Variants in NCKAP5 observed in about 807,000 individuals in gnomAD.
NCKAP5 encodes the protein NCK associated protein 5, also known as nck-associated protein 5.
A neutral mutation model predicts 167.0 loss-of-function variants in NCKAP5; 92 were observed. The ratio of observed to expected loss-of-function variants is 0.55; its 90% CI spans 0.47 to 0.66. NCKAP5 has a LOEUF of 0.66. Ranked by LOEUF, NCKAP5 falls within the 30% of genes least tolerant of loss-of-function variation. The pLI, the probability that NCKAP5 is intolerant of heterozygous loss-of-function variation, is 0.00. For synonymous variants in NCKAP5, 891 were observed against 877.4 expected (o/e 1.02, Z -0.27); for missense variants, 2,378 against 2,315.0 (o/e 1.03, Z -0.56).
At chr2:132,745,942 G>T in intron 16 of NCKAP5, among the ~76,000 whole-genome samples, 1 of 151,922 alleles carries the variant, frequency 6.6e-6, no homozygotes, top group Non-Finnish European at 1.5e-5. Context: ...GACATAAATG[G>T]AGAGATCTGC....
intron 3 of NCKAP5, among the ~76,000 whole-genome samples, chr2:133,455,488 C>T (rs1004549874): frequency 2.6e-5 from 4 of 152,098 alleles, no homozygotes; most frequent in Admixed American, 1.3e-4. Flanking sequence ...GTTCAGCATG[C>T]TCTACCCAGT....
intron 3 of NCKAP5, among the ~76,000 whole-genome samples, chr2:133,495,727 A>T (rs2151370874): frequency 6.6e-6 from 1 of 152,354 alleles, no homozygotes; most frequent in East Asian, 1.9e-4. Context: ...AGTCATACCT[A>T]GGAATAAACC....
At chr2:133,168,029 T>C (rs2084072864) in intron 5 of NCKAP5, among the ~76,000 whole-genome samples, 1 of 152,178 alleles carries the variant, frequency 6.6e-6, no homozygotes. Flanking sequence ...TTTTAAGCGC[T>C]TTATATGATA....
chr2:132,770,250 G>T (rs1202088494), intron 16 of NCKAP5, among the ~76,000 whole-genome samples: 3 of 151,722 alleles, frequency 2.0e-5, no homozygotes, highest in African/African-American at 4.8e-5. Flanking sequence ...TGTATATAAA[G>T]GGCTTTTGAT....
intron 3 of NCKAP5, among the ~76,000 whole-genome samples, chr2:133,335,576 GTA>G (rs1184134415): frequency 6.6e-6 from 1 of 152,060 alleles, no homozygotes; most frequent in Non-Finnish European, 1.5e-5. Flanking sequence ...TATAAAAAAT[GTA>G]TAGACTAAAG....
intron 7 of NCKAP5, among the ~76,000 whole-genome samples, chr2:132,966,186 AC>A (rs1558998864): frequency 6.6e-6 from 1 of 151,868 alleles, no homozygotes; most frequent in African/African-American, 2.4e-5. Context: ...TGCAACCTCC[AC>A]CTCCCAGGTT....
At chr2:133,348,995 A>T (rs1242774718) in intron 3 of NCKAP5, among the ~76,000 whole-genome samples, 1 of 152,206 alleles carries the variant, frequency 6.6e-6, no homozygotes, top group Non-Finnish European at 1.5e-5. Flanking sequence ...TGTCCTTCCA[A>T]ATATAACTCT....
intron 16 of NCKAP5, among the ~76,000 whole-genome samples, chr2:132,751,688 T>C (rs2104791181): frequency 6.6e-6 from 1 of 152,316 alleles, no homozygotes; most frequent in East Asian, 1.9e-4. Flanking sequence ...TCTGTCTGGA[T>C]TAAAAGATCC....
chr2:133,286,035 G>A (rs943379127), intron 4 of NCKAP5, among the ~76,000 whole-genome samples: 18 of 146,988 alleles, frequency 1.2e-4, no homozygotes, highest in Non-Finnish European at 2.4e-4. Context: ...TTGCTCTGTC[G>A]CCCAGGCTGG....
intron 19 of NCKAP5, among the ~76,000 whole-genome samples, chr2:132,708,154 G>C (rs1688536068): frequency 1.3e-5 from 2 of 152,054 alleles, no homozygotes; most frequent in Admixed American, 1.3e-4. Context: ...GCCATGGGGA[G>C]GGACATCTGC....
the NCKAP5 span, among the ~76,000 whole-genome samples, chr2:133,581,491 G>A: frequency 6.6e-6 from 1 of 152,190 alleles, no homozygotes; most frequent in Non-Finnish European, 1.5e-5. Flanking sequence ...TGAGTCCTTG[G>A]CAAACCAACT....
Position 132,920,771 on chromosome 2 carries a change from G to GTGTGTA in NCKAP5, c.580-41856_580-41855insTACACA, listed in dbSNP as rs1219401757. Among the ~76,000 whole-genome samples the GTGTGTA allele has an allele frequency of 5.7e-4, 18 of 31,580 alleles. 2 individuals carry two copies. The highest frequency in any genetic ancestry group is 1.5e-3 in the South Asian group (1 of 660). The allele number at this position is 31,580 out of a possible 152,430, so 20.7% of individuals were successfully genotyped here. Reference sequence around the variant, plus strand: ...TATATATATATGTATATATATGTATGTATATATATATATATATATATATAT... The same window carrying GTGTGTA: ...TATATATATATGTATATATATGTATGTGTGTATATATATATATATATATATATATAT... On this transcript the variant is annotated intron_variant, in intron 8 of 19. Transcript: ENST00000409261.
At chr2:132,691,850 T>A (rs1352803361) in intron 19 of NCKAP5, among the ~76,000 whole-genome samples, 11 of 152,332 alleles carry the variant, frequency 7.2e-5, no homozygotes, top group Non-Finnish European at 1.2e-4. Context: ...AAGCCCGTGA[T>A]AAGTTCTCTC....
chr2:132,909,218 C>T (rs147233806), intron 8 of NCKAP5, among the ~76,000 whole-genome samples: 21 of 152,154 alleles, frequency 1.4e-4, no homozygotes, highest in South Asian at 4.1e-4. Context: ...TGGTGGCGCA[C>T]GCCTGTGATC....
chr2:133,214,547 C>T (rs908845513), intron 4 of NCKAP5, among the ~76,000 whole-genome samples: 2 of 152,002 alleles, frequency 1.3e-5, no homozygotes, highest in Non-Finnish European at 2.9e-5. Flanking sequence ...TTTTAGATCC[C>T]TTATAATTCT....
At chr2:133,110,024 C>G (rs894202542) in intron 6 of NCKAP5, among the ~76,000 whole-genome samples, 13 of 152,172 alleles carry the variant, frequency 8.5e-5, no homozygotes, top group African/African-American at 2.9e-4. Flanking sequence ...AATCAAAGAG[C>G]AAAGCACATT....
intron 3 of NCKAP5, among the ~76,000 whole-genome samples, chr2:133,354,885 T>C (rs1684606020): frequency 6.6e-6 from 1 of 152,206 alleles, no homozygotes; most frequent in African/African-American, 2.4e-5. Flanking sequence ...ATTAACTAGA[T>C]ATATTCTGAG....
the NCKAP5 span, among the ~76,000 whole-genome samples, chr2:133,617,777 T>C: frequency 6.6e-6 from 1 of 151,332 alleles, no homozygotes; most frequent in Admixed American, 6.6e-5. Context: ...TACCAATGAC[T>C]TTCTTCACAG....
At chr2:133,200,061 CTTTTTTT>C (rs70973417) in intron 5 of NCKAP5, among the ~76,000 whole-genome samples, 1 of 109,396 alleles carries the variant, frequency 9.1e-6, no homozygotes, top group Non-Finnish European at 1.8e-5. Context: ...TTTTTTCTTT[CTTTTTTT>C]TTTTTTTTTT....
Sources: allele counts gnomAD v4.1 joint callset (sites outside exome capture counted in the v4.1 genomes callset), GRCh38; gene constraint gnomAD v4.1.1; transcripts MANE v1.5; gene names NCBI Gene and HGNC (gene_info 2026-07-23, HGNC 2026-07-21).